SLC8A1: variants seen among roughly 807,000 people sequenced by gnomAD.
SLC8A1 encodes sodium/calcium exchanger 1.
SLC8A1 carries 18 observed loss-of-function variants against 68.3 expected under a neutral mutation model. The ratio of observed to expected loss-of-function variants is 0.26; its 90% CI spans 0.18 to 0.39. The LOEUF (loss-of-function observed/expected upper bound fraction) is 0.39, where lower values mean the gene tolerates loss of function less well. SLC8A1 is among the 10% of genes least tolerant of loss of function. The pLI is 1.00. For missense variants in SLC8A1, 985 were observed against 1,156.7 expected (o/e 0.85, Z 2.15); for synonymous variants, 475 against 415.5 (o/e 1.14, Z -1.74).
intron 2 of SLC8A1, among the ~76,000 whole-genome samples, chr2:40,383,633 C>A (rs879288167): frequency 1.3e-5 from 2 of 152,068 alleles, no homozygotes; most frequent in Admixed American, 6.6e-5. Flanking sequence ...AAAATTTGCT[C>A]AAGGTCACAC....
At chr2:40,493,769 C>T (rs942305906) in intron 1 of SLC8A1, among the ~76,000 whole-genome samples, 4 of 151,816 alleles carry the variant, frequency 2.6e-5, no homozygotes, top group Non-Finnish European at 5.9e-5. Flanking sequence ...ATTCTCCTGC[C>T]TCAGCCTCCT....
intron 2 of SLC8A1, among the ~76,000 whole-genome samples, chr2:40,265,991 C>T (rs1357693627): frequency 1.3e-5 from 2 of 152,178 alleles, no homozygotes; most frequent in South Asian, 2.1e-4. Flanking sequence ...ACATTAATTT[C>T]CCAAGGGGAG....
chr2:40,468,146 A>G (rs575268033), intron 1 of SLC8A1, among the ~76,000 whole-genome samples: 1 of 152,218 alleles, frequency 6.6e-6, no homozygotes, highest in Admixed American at 6.6e-5. Flanking sequence ...TATACCTTAC[A>G]CACAAGATGA....
At chr2:40,339,163 T>G (rs1666937117) in intron 2 of SLC8A1, among the ~76,000 whole-genome samples, 1 of 152,222 alleles carries the variant, frequency 6.6e-6, no homozygotes. Flanking sequence ...ATGTTTCTTT[T>G]AGTTCTTAGT....
At chr2:40,141,509 G>A (rs1467857300) in intron 6 of SLC8A1, among the ~76,000 whole-genome samples, 2 of 152,170 alleles carry the variant, frequency 1.3e-5, no homozygotes, top group African/African-American at 2.4e-5. Flanking sequence ...GCAGATGAGT[G>A]GAATAGCCTT....
intron 2 of SLC8A1, among the ~76,000 whole-genome samples, chr2:40,389,945 C>T (rs907817547): frequency 6.6e-6 from 1 of 151,704 alleles, no homozygotes; most frequent in Admixed American, 6.6e-5. Flanking sequence ...CACACACACA[C>T]ATACACACAC....
intron 5 of SLC8A1, among the ~76,000 whole-genome samples, chr2:40,163,350 A>G (rs2046011270): frequency 6.6e-6 from 1 of 152,180 alleles, no homozygotes; most frequent in Admixed American, 6.6e-5. Context: ...GGGAGAGAAC[A>G]CACAATTCCC....
chr2:40,509,980 G>A (rs1364870309), intron 1 of SLC8A1, among the ~76,000 whole-genome samples: 3 of 151,438 alleles, frequency 2.0e-5, no homozygotes, highest in African/African-American at 7.3e-5. Context: ...GGCATGCACC[G>A]CCACACCTGG....
At chr2:40,165,756 G>A (rs1051491885) in intron 4 of SLC8A1, among the ~76,000 whole-genome samples, 3 of 152,072 alleles carry the variant, frequency 2.0e-5, no homozygotes, top group African/African-American at 7.2e-5. Flanking sequence ...AGGACGGTGG[G>A]TGCTGAGGAA....
intron 2 of SLC8A1, among the ~76,000 whole-genome samples, chr2:40,327,687 T>C (rs1403264062): frequency 1.3e-5 from 2 of 152,138 alleles, no homozygotes; most frequent in Non-Finnish European, 2.9e-5. Context: ...TTATCACATA[T>C]AACTAGGAGC....
chr2:40,116,950 A>T (rs2035576507), intron 7 of SLC8A1: 1 of 152,238 alleles, frequency 6.6e-6, no homozygotes, highest in African/African-American at 2.4e-5. Context: ...TGACTGTGTG[A>T]CTCTGGAAGA....
chr2:40,445,556 T>C (rs1038900635), intron 1 of SLC8A1, among the ~76,000 whole-genome samples: 2 of 152,352 alleles, frequency 1.3e-5, no homozygotes, highest in Non-Finnish European at 2.9e-5. Flanking sequence ...TAATTTTACA[T>C]GGCCTCCATT....
chr2:40,152,715 C>T (rs1033772612), intron 6 of SLC8A1, among the ~76,000 whole-genome samples: 1 of 151,996 alleles, frequency 6.6e-6, no homozygotes, highest in African/African-American at 2.4e-5. Context: ...TGCACCTGAC[C>T]TCCTCTGCAG....
intron 2 of SLC8A1, among the ~76,000 whole-genome samples, chr2:40,253,234 T>A (rs1177306178): frequency 6.7e-6 from 1 of 149,944 alleles, no homozygotes; most frequent in Non-Finnish European, 1.5e-5. Context: ...TATACATACA[T>A]GTGCGTATAT....
At chr2:40,464,160 G>T (rs780246409) in intron 1 of SLC8A1, among the ~76,000 whole-genome samples, 4 of 152,126 alleles carry the variant, frequency 2.6e-5, no homozygotes, top group Non-Finnish European at 5.9e-5. Flanking sequence ...CCCCCAAAGT[G>T]CTGGGATTAC....
chr2:40,342,075 A>C (rs1291545255), intron 2 of SLC8A1, among the ~76,000 whole-genome samples: 2 of 152,150 alleles, frequency 1.3e-5, no homozygotes, highest in Admixed American at 1.3e-4. Flanking sequence ...GATTCACTTT[A>C]TTACTGATAC....
chr2:40,258,998 A>G (rs2064325656), intron 2 of SLC8A1, among the ~76,000 whole-genome samples: 1 of 99,774 alleles, frequency 1.0e-5, no homozygotes, highest in African/African-American at 3.7e-5. Context: ...CTATAGATTA[A>G]TTACTATAAA....
chr2:40,435,191 G>A (rs560589692), intron 1 of SLC8A1, among the ~76,000 whole-genome samples: 1 of 152,110 alleles, frequency 6.6e-6, no homozygotes, highest in African/African-American at 2.4e-5. Flanking sequence ...TGTAATTCTT[G>A]CTGACTGAAA....
intron 2 of SLC8A1, among the ~76,000 whole-genome samples, chr2:40,281,904 G>A (rs929035221): frequency 7.9e-5 from 12 of 152,098 alleles, no homozygotes; most frequent in African/African-American, 2.7e-4. Context: ...CTTGAATTTT[G>A]GGTGGAATAA....
Sources: gnomAD v4.1 joint callset for allele counts (sites outside exome capture counted in the v4.1 genomes callset) on GRCh38, gnomAD v4.1.1 for gene constraint, MANE v1.5 for transcripts, NCBI Gene and HGNC (gene_info 2026-07-23, HGNC 2026-07-21) for gene names.